The following FARS2 variants were observed in gnomAD, a reference collection of about 807,000 sequenced individuals.
FARS2 encodes phenylalanine--tRNA ligase, mitochondrial.
A neutral mutation model predicts 46.4 loss-of-function variants in FARS2; 40 were observed. That is an observed-to-expected ratio of 0.86 (90% CI 0.67 to 1.12). FARS2 has a LOEUF of 1.12. FARS2 is among the 50% of genes most tolerant of loss of function. FARS2 has a pLI of 0.00. For missense variants in FARS2, 513 were observed against 567.9 expected (o/e 0.90, Z 0.98); for synonymous variants, 234 against 214.9 (o/e 1.09, Z -0.78).
chr6:5,771,160 T>A, intron 6 of FARS2, 131 bp from the exon 7 acceptor site: 1 of 938,664 alleles, frequency 1.1e-6, no homozygotes, highest in Non-Finnish European at 1.6e-6. Context: ...TTGTTAGCGG[T>A]AAATGGTACC....
chr6:5,754,056 TAAC>T (rs1762085212), intron 6 of FARS2, among the ~76,000 whole-genome samples: 1 of 152,250 alleles, frequency 6.6e-6, no homozygotes, highest in African/African-American at 2.4e-5. Context: ...TTAAGCAAAT[TAAC>T]AAAGCTTGTA....
In FARS2 at chr6:5,549,147, C is replaced by A. The variant is rs186114937; in HGVS notation, c.1065+3807C>A. On this transcript the variant is annotated intron_variant, in intron 5 of 6. Transcript: ENST00000274680. ...GCAGGGCTGACTCCTTCTGTAGGCT[C>A]TTGGGGGAATCCACCTTCTTGACTT... Among the ~76,000 whole-genome samples the A allele has an allele frequency of 5.5e-3, 823 of 149,482 alleles. 7 individuals are homozygous for A. Among genetic ancestry groups the A allele is most frequent in the Non-Finnish European group, 6.8e-3 (462 of 67,616 alleles).
chr6:5,613,383 G>A, intron 6 of FARS2, 63 bp downstream of exon 6: 3 of 1,485,350 alleles, frequency 2.0e-6, no homozygotes, highest in Non-Finnish European at 2.8e-6. Flanking sequence ...TCATGTGGAA[G>A]CATATCATAA....
chr6:5,374,767 T>C (rs1759271885), intron 2 of FARS2, among the ~76,000 whole-genome samples: 1 of 152,122 alleles, frequency 6.6e-6, no homozygotes, highest in Non-Finnish European at 1.5e-5. Flanking sequence ...TTATTGCATA[T>C]ACATTACATT....
chr6:5,366,217 T>C (rs138493147), intron 1 of FARS2, among the ~76,000 whole-genome samples: 1 of 152,220 alleles, frequency 6.6e-6, no homozygotes, highest in East Asian at 1.9e-4. Context: ...GAGCTTTATA[T>C]TCTTTGTTGG....
chr6:5,417,518 T>G (rs956848940), intron 3 of FARS2, among the ~76,000 whole-genome samples: 2 of 152,196 alleles, frequency 1.3e-5, no homozygotes, highest in Admixed American at 6.5e-5. Context: ...TGAGCCACTG[T>G]GCCCTGGCCC....
intron 6 of FARS2, among the ~76,000 whole-genome samples, chr6:5,720,018 C>T (rs12153956): frequency 0.056 from 8,540 of 152,064 alleles, 363 homozygotes; most frequent in South Asian, 0.09. Flanking sequence ...CCTGTGCTTT[C>T]CTATTAAAAA....
rs570004071 is a variant in FARS2, at chr6:5,702,769, A to T, written c.1218-68522A>T. ...TACTTGGGTTTTATAGCTAACTAGG[A>T]TTTTATTTTGGTTTTCCTTTCCCTT... On this transcript the variant is annotated intron_variant, in intron 6 of 6. Coordinates refer to ENST00000274680, the MANE Select transcript of FARS2 (RefSeq NM_006567.5). 1.2e-4 allele frequency among the ~76,000 whole-genome samples: 18 copies of T among 152,272 alleles called. No homozygotes were observed. In the East Asian group the frequency reaches 3.3e-3, roughly 28 times the overall value.
chr6:5,310,222 C>A (rs1260804175), intron 1 of FARS2, among the ~76,000 whole-genome samples: 1 of 151,844 alleles, frequency 6.6e-6, no homozygotes, highest in Non-Finnish European at 1.5e-5. Context: ...ATTCTTTATA[C>A]CCAAGAAAAT....
intron 1 of FARS2, among the ~76,000 whole-genome samples, chr6:5,359,115 C>T (rs1243167350): frequency 1.5e-5 from 2 of 130,496 alleles, no homozygotes; most frequent in South Asian, 2.7e-4. Flanking sequence ...TCTCGGTTCA[C>T]TGCAACCTCC....
intron 6 of FARS2, among the ~76,000 whole-genome samples, chr6:5,668,628 A>G (rs992026420): frequency 1.4e-4 from 21 of 151,318 alleles, no homozygotes; most frequent in Admixed American, 2.6e-4. Context: ...GTTTGAATCC[A>G]GGTTTTACCT....
At chr6:5,760,474 C>T (rs1045152451) in intron 6 of FARS2, among the ~76,000 whole-genome samples, 7 of 152,182 alleles carry the variant, frequency 4.6e-5, no homozygotes, top group Admixed American at 2.6e-4. Flanking sequence ...TGTCTGTATG[C>T]AGTGAAGCCA....
intron 6 of FARS2, among the ~76,000 whole-genome samples, chr6:5,704,767 C>T (rs1435246983): frequency 6.6e-6 from 1 of 152,152 alleles, no homozygotes. Flanking sequence ...AAGGAAAATA[C>T]AAATAGGAAA....
chr6:5,339,423 C>A (rs943715443), intron 1 of FARS2, among the ~76,000 whole-genome samples: 1 of 151,612 alleles, frequency 6.6e-6, no homozygotes, highest in Non-Finnish European at 1.5e-5. Flanking sequence ...ATTCACAAAC[C>A]AGGAGACTTC....
chr6:5,564,318 C>T (rs770629834), intron 5 of FARS2, among the ~76,000 whole-genome samples: 25 of 152,158 alleles, frequency 1.6e-4, no homozygotes, highest in Non-Finnish European at 2.9e-4. Context: ...AAAGAAACCT[C>T]CGGGTTATGG....
intron 6 of FARS2, among the ~76,000 whole-genome samples, chr6:5,758,597 C>T (rs766969679): frequency 3.3e-5 from 5 of 151,924 alleles, no homozygotes; most frequent in Non-Finnish European, 5.9e-5. Context: ...CTGTTTTGTG[C>T]TTGTCTTGCT....
At chr6:5,400,681 A>T (rs897100978) in intron 2 of FARS2, among the ~76,000 whole-genome samples, 2 of 151,506 alleles carry the variant, frequency 1.3e-5, no homozygotes, top group Admixed American at 6.6e-5. Flanking sequence ...TACACACATG[A>T]TTTCATTTCC....
chr6:5,561,530 GTGT>G (rs1290934153), intron 5 of FARS2, among the ~76,000 whole-genome samples: 2 of 152,078 alleles, frequency 1.3e-5, no homozygotes, highest in Non-Finnish European at 2.9e-5. Flanking sequence ...ATTAATCAAA[GTGT>G]TGTTTCTTTG....
chr6:5,300,486 T>G (rs368626004), intron 1 of FARS2, among the ~76,000 whole-genome samples: 1 of 152,194 alleles, frequency 6.6e-6, no homozygotes. Context: ...GATAATTTCA[T>G]GACGGTTGTG....
Sources: gnomAD v4.1 joint callset for allele counts (sites outside exome capture counted in the v4.1 genomes callset) on GRCh38, gnomAD v4.1.1 for gene constraint, MANE v1.5 for transcripts, NCBI Gene and HGNC (gene_info 2026-07-23, HGNC 2026-07-21) for gene names.